The following EPHA6 variants were observed in gnomAD, a reference collection of about 807,000 sequenced individuals.
EPHA6 encodes the protein EPH receptor A6, also known as ephrin type-A receptor 6.
Under a neutral mutation model 112.0 loss-of-function variants are expected in EPHA6, and 50 were observed. That is an observed-to-expected ratio of 0.45 (90% CI 0.36 to 0.56). The LOEUF is 0.56. EPHA6 is among the 20% of genes least tolerant of loss of function. EPHA6 has a pLI of 0.00. For synonymous variants in EPHA6, 529 were observed against 490.7 expected (o/e 1.08, Z -1.03); for missense variants, 1,280 against 1,417.4 (o/e 0.90, Z 1.56).
chr3:97,354,870 A>G (rs1413734273), intron 5 of EPHA6, among the ~76,000 whole-genome samples: 1 of 152,212 alleles, frequency 6.6e-6, no homozygotes, highest in Non-Finnish European at 1.5e-5. Context: ...AAGAGAAAAT[A>G]AATAACATAC....
At chr3:97,734,266 G>T (rs1366881562) in intron 15 of EPHA6, among the ~76,000 whole-genome samples, 1 of 151,988 alleles carries the variant, frequency 6.6e-6, no homozygotes, top group African/African-American at 2.4e-5. Context: ...CCTAGAGTGG[G>T]ATTTCAATGT....
chr3:97,133,376 G>A (rs1024202287), intron 3 of EPHA6, among the ~76,000 whole-genome samples: 1 of 151,958 alleles, frequency 6.6e-6, no homozygotes, highest in East Asian at 1.9e-4. Flanking sequence ...TGATGTAAAA[G>A]ACTTATAGCC....
chr3:97,480,782 G>C (rs2091511587), intron 9 of EPHA6, among the ~76,000 whole-genome samples: 2 of 152,028 alleles, frequency 1.3e-5, no homozygotes, highest in Non-Finnish European at 2.9e-5. Flanking sequence ...GGGCAGAGGG[G>C]CTCCTCACTT....
At chr3:97,226,103 C>T (rs897993441) in intron 3 of EPHA6, among the ~76,000 whole-genome samples, 161 bp from the exon 4 acceptor site, 1 of 152,132 alleles carries the variant, frequency 6.6e-6, no homozygotes, top group African/African-American at 2.4e-5. Flanking sequence ...CTCTCAATAA[C>T]TAATTTCATT....
intron 3 of EPHA6, among the ~76,000 whole-genome samples, chr3:97,103,727 T>G (rs999483366): frequency 2.6e-5 from 4 of 152,108 alleles, no homozygotes; most frequent in Non-Finnish European, 5.9e-5. Flanking sequence ...AATCTGTAAA[T>G]TGCTTTGAGC....
chr3:97,572,060 ATCTATC>A (rs1384353464), intron 11 of EPHA6, among the ~76,000 whole-genome samples: 1 of 151,828 alleles, frequency 6.6e-6, no homozygotes, highest in Non-Finnish European at 1.5e-5. Context: ...TTGGCAATTT[ATCTATC>A]TAAAGTAGAA....
intron 3 of EPHA6, among the ~76,000 whole-genome samples, chr3:97,093,810 A>G (rs2047150009): frequency 6.6e-6 from 1 of 152,142 alleles, no homozygotes; most frequent in Non-Finnish European, 1.5e-5. Context: ...TTATCATTTT[A>G]TAAAATTACA....
At chr3:96,859,291 A>G (rs574802804) in intron 1 of EPHA6, among the ~76,000 whole-genome samples, 1 of 152,194 alleles carries the variant, frequency 6.6e-6, no homozygotes, top group African/African-American at 2.4e-5. Context: ...TTTCAAAATT[A>G]TGGCAGCACA....
chr3:97,386,388 A>G (rs962200268), intron 5 of EPHA6, among the ~76,000 whole-genome samples: 1 of 152,180 alleles, frequency 6.6e-6, no homozygotes, highest in Non-Finnish European at 1.5e-5. Context: ...CCATTCCAAG[A>G]GGGAGAAATT....
At chr3:97,216,761 C>CT (rs1217014874) in intron 3 of EPHA6, among the ~76,000 whole-genome samples, 3 of 152,262 alleles carry the variant, frequency 2.0e-5, no homozygotes, top group African/African-American at 7.2e-5. Flanking sequence ...TTTATTTCAT[C>CT]TAAGTATTCT....
intron 14 of EPHA6, among the ~76,000 whole-genome samples, chr3:97,690,486 A>G (rs1172993833): frequency 1.4e-5 from 2 of 141,496 alleles, no homozygotes; most frequent in Non-Finnish European, 3.0e-5. Flanking sequence ...TTTTTTTTGG[A>G]GACAGAGTTT....
At chr3:97,017,446 C>T (rs968200517) in intron 3 of EPHA6, among the ~76,000 whole-genome samples, 1 of 152,252 alleles carries the variant, frequency 6.6e-6, no homozygotes, top group Non-Finnish European at 1.5e-5. Flanking sequence ...TTGTCCATCC[C>T]GGCAGTCAAA....
chr3:97,090,904 G>A (rs1385093004), intron 3 of EPHA6, among the ~76,000 whole-genome samples: 2 of 151,984 alleles, frequency 1.3e-5, no homozygotes, highest in African/African-American at 4.8e-5. Flanking sequence ...TTAGAACCAA[G>A]AAAAATTTAC....
intron 3 of EPHA6, among the ~76,000 whole-genome samples, chr3:97,075,542 T>C (rs895941192): frequency 6.6e-6 from 1 of 152,058 alleles, no homozygotes; most frequent in African/African-American, 2.4e-5. Context: ...CAGCTTGATA[T>C]GTATCATTAT....
At chr3:97,129,527 A>AC (rs891839206) in intron 3 of EPHA6, among the ~76,000 whole-genome samples, 7 of 152,002 alleles carry the variant, frequency 4.6e-5, no homozygotes, top group African/African-American at 1.7e-4. Context: ...ACAAAAAAAA[A>AC]AACAACAAAA....
At chr3:96,973,843 A>G (rs1410282441) in intron 2 of EPHA6, among the ~76,000 whole-genome samples, 1 of 146,744 alleles carries the variant, frequency 6.8e-6, no homozygotes, top group Non-Finnish European at 1.5e-5. Flanking sequence ...AAAAAAAAGA[A>G]AAAGAACCTC....
chr3:97,692,566 A>G, intron 14 of EPHA6, among the ~76,000 whole-genome samples: 1 of 152,198 alleles, frequency 6.6e-6, no homozygotes, highest in East Asian at 1.9e-4. Flanking sequence ...CAGGAGTCCT[A>G]CTGGACCTCA....
chr3:96,876,417 T>C (rs2036953252), intron 2 of EPHA6, among the ~76,000 whole-genome samples: 1 of 151,562 alleles, frequency 6.6e-6, no homozygotes, highest in African/African-American at 2.4e-5. Context: ...CTCTCCAAGT[T>C]ACCATAGTTG....
intron 2 of EPHA6, among the ~76,000 whole-genome samples, chr3:96,902,680 C>G (rs2038682226): frequency 6.6e-6 from 1 of 152,146 alleles, no homozygotes; most frequent in Admixed American, 6.6e-5. Flanking sequence ...GCTGCTGAGT[C>G]TGCTGAACTA....
Sources: gnomAD v4.1 joint callset for allele counts (sites outside exome capture counted in the v4.1 genomes callset) on GRCh38, gnomAD v4.1.1 for gene constraint, MANE v1.5 for transcripts, NCBI Gene and HGNC (gene_info 2026-07-23, HGNC 2026-07-21) for gene names.